NEB: variants seen among roughly 807,000 people sequenced by gnomAD.
NEB encodes nemaline myopathy type 2.
Under a neutral mutation model 952.2 loss-of-function variants are expected in NEB, and 512 were observed. The observed-to-expected ratio is 0.54, with a 90% confidence interval of 0.50 to 0.58. The LOEUF (loss-of-function observed/expected upper bound fraction) is 0.58, where lower values mean the gene tolerates loss of function less well. Ranked by LOEUF, NEB falls within the 20% of genes least tolerant of loss-of-function variation. The pLI is 0.00. For missense variants in NEB, 8,428 were observed against 9,231.1 expected (o/e 0.91, Z 3.56); for synonymous variants, 2,900 against 3,149.8 (o/e 0.92, Z 2.66).
At chr2:151,486,595 A>T (rs972956988) in intron 181 of NEB, 1 of 152,272 alleles carries the variant, frequency 6.6e-6, no homozygotes, top group Non-Finnish European at 1.5e-5. Flanking sequence ...AAGTGGAAAC[A>T]ACTTAAATGC....
At chr2:151,657,798 T>TGTG (rs377663194) in intron 48 of NEB, among the ~76,000 whole-genome samples, 185 bp downstream of exon 48, 9 of 152,162 alleles carry the variant, frequency 5.9e-5, no homozygotes, top group African/African-American at 2.2e-4. Flanking sequence ...AGGGTCACCA[T>TGTG]GTGGTTAGCT....
intron 32 of NEB, among the ~76,000 whole-genome samples, chr2:151,678,405 C>G (rs1255003586): frequency 6.6e-6 from 1 of 152,124 alleles, no homozygotes; most frequent in Admixed American, 6.5e-5. Flanking sequence ...GCTGTTTCTG[C>G]CTATCCAAGT....
rs376684415 is a variant in NEB at position 151,526,028 on chromosome 2, C to T, written c.22091G>A (p.Gly7364Asp). 2 of 1,613,854 alleles carry T rather than the reference C, an allele frequency of 1.2e-6. No homozygotes were observed. The highest frequency in any genetic ancestry group is 1.7e-6 in the Non-Finnish European group (2 of 1,179,880). Residue 7364 changes from glycine (G) to aspartate (D), a missense_variant, in exon 150 of 182, where the codon GGC (glycine) becomes GAC (aspartate). By Grantham distance (94) the Gly-to-Asp change is moderately conservative (BLOSUM62 -1). Transcript: ENST00000397345. The part of the protein sequence containing the change: ...KDHVKKHLAQ[G>D]SYTTLPETRD... ...GGTCTCTGGTAGTGTTGTGTATGAG[C>T]CCTGTGCCAAGTGCTTCTTGACATG...
intron 10 of NEB, chr2:151,716,003 T>C (rs555573061): frequency 5.3e-5 from 14 of 263,046 alleles, no homozygotes; most frequent in South Asian, 5.2e-4. Flanking sequence ...AAATAGACTT[T>C]AAATAAACAT....
Position 151,525,201 on chromosome 2 carries a change from C to T in NEB, c.22234G>A (p.Val7412Met), listed in dbSNP as rs1280889557. 3 of 1,613,984 alleles carry T rather than the reference C, an allele frequency of 1.9e-6. No individual in the cohort carries two copies. Among genetic ancestry groups the T allele is most frequent in the East Asian group, 2.2e-5 (1 of 44,894 alleles). ...NYSIMLEPPE[V>M]KHAMEVAKKQ... ...TTGGCCACTTCCATAGCATGTTTCA[C>T]CTCTGGTGGCTCCAGCATGATGGAG... Residue 7412 changes from valine to methionine, a missense_variant, in exon 151 of 182, where the codon GTG becomes ATG. Val to Met is a conservative substitution (Grantham distance 21). Transcript: ENST00000397345.
Position 151,552,917 on chromosome 2 carries a change from T to C in NEB, c.19732-141A>G. On this transcript the variant is annotated intron_variant, in intron 127 of 181. Coordinates refer to ENST00000397345, the MANE Select transcript of NEB (RefSeq NM_001164508.2). Reference sequence around the variant, plus strand: ...CTCAACAGACCGAGATGCATTTGAATTTTATAACAGTGTAACCAACACTTA... The same window carrying C: ...CTCAACAGACCGAGATGCATTTGAACTTTATAACAGTGTAACCAACACTTA... 6.5e-6 allele frequency: 4 copies of C among 619,870 alleles called. No homozygotes were observed. In the South Asian group the frequency reaches 8.0e-5, roughly 12 times the overall value. The allele number at this position is 619,870 out of a possible 1,614,324, so 38.4% of individuals were successfully genotyped here. A position where few individuals can be genotyped will look rare whatever the true frequency, so the allele number is the denominator to read the frequency against.
rs751475228 is a variant in NEB at position 151,694,639 on chromosome 2, A to G, written c.1675-10T>C. ...CTTGCTTATAAAGATTCTGGACAAA[A>G]AAATTCAGCAAAGGAATTGGCAAAA... is the stretch of plus-strand genomic sequence containing the variant. On this transcript the variant is annotated splice_polypyrimidine_tract_variant and intron_variant, in intron 18 of 181. Transcript: ENST00000397345. The G allele has an allele frequency of 2.4e-5, 37 of 1,564,312 alleles. No homozygotes were observed. The highest frequency in any genetic ancestry group is 3.1e-5 in the Non-Finnish European group (36 of 1,153,118).
rs375143141 is a variant in NEB, at chr2:151,570,122, C to T, written c.17389G>A (p.Asp5797Asn). ...TAGGCCTTCTTGGCCTGAATCACAT[C>T]GTTCTGGTCGGGCATGCAGGTCCAC... ...HQWTCMPDQN[D>N]VIQAKKAYEL... is the part of the protein sequence containing the mutation. The change falls in exon 109 of 182, where the codon GAT becomes AAT. Residue 5797 changes from aspartate to asparagine, a missense_variant. By Grantham distance (23) the Asp-to-Asn change is conservative. Coordinates refer to ENST00000397345, the MANE Select transcript of NEB (RefSeq NM_001164508.2). The T allele has an allele frequency of 5.4e-5, 87 of 1,612,490 alleles. No individual in the cohort carries two copies. Among genetic ancestry groups the T allele is most frequent in the Non-Finnish European group, 7.1e-5 (84 of 1,179,368 alleles).
chr2:151,683,294 A>G (rs988389228), intron 28 of NEB, among the ~76,000 whole-genome samples: 1 of 152,188 alleles, frequency 6.6e-6, no homozygotes, highest in East Asian at 1.9e-4. Context: ...CTAACAAAAC[A>G]CTTTAAAACA....
At chr2:151,560,730 T>C (rs1163831127) in intron 123 of NEB, 31 bp from the exon 124 acceptor site, 1 of 1,524,174 alleles carries the variant, frequency 6.6e-7, no homozygotes, top group Admixed American at 1.8e-5. Flanking sequence ...CTTGTGAATA[T>C]GGGAAAATGC....
At chr2:151,488,313 AT>A (rs1316289430) in intron 181 of NEB, among the ~76,000 whole-genome samples, 2 of 152,014 alleles carry the variant, frequency 1.3e-5, no homozygotes, top group African/African-American at 4.8e-5. Context: ...ATACTTCTAG[AT>A]TTTGGAATTT....
At chr2:151,541,341 C>T (rs1462867125) in intron 136 of NEB, 106 bp downstream of exon 136, 1 of 755,114 alleles carries the variant, frequency 1.3e-6, no homozygotes. Flanking sequence ...GAGGTTGCAG[C>T]CAGGACAACC....
chr2:151,578,747 GA>G (rs1314419477), intron 105 of NEB, among the ~76,000 whole-genome samples: 1 of 146,750 alleles, frequency 6.8e-6, no homozygotes, highest in African/African-American at 2.5e-5. Context: ...AGGAAGGAGA[GA>G]AGGAAGGAAC....
chr2:151,526,930 T>C lies in NEB; in HGVS notation c.21933A>G (p.Leu7311=), dbSNP rs2153458591. ...KNTVLALRNT[L]IESDLKYKEK... Reference sequence around the variant, plus strand: ...ACTAGGTACTTACATCACTTTCTATTAAAGTATTCCTGAGGGCGAGCACCG... The same window carrying C: ...ACTAGGTACTTACATCACTTTCTATCAAAGTATTCCTGAGGGCGAGCACCG... Residue 7311 remains leucine, a synonymous_variant, in exon 148 of 182, where the codon TTA becomes TTG. Coordinates refer to ENST00000397345, the MANE Select transcript of NEB (RefSeq NM_001164508.2). 1 of 1,592,278 alleles carries C rather than the reference T, an allele frequency of 6.3e-7. No homozygotes were observed. The highest frequency in any genetic ancestry group is 8.6e-7 in the Non-Finnish European group (1 of 1,167,054).
At chr2:151,507,751 C>T (rs1208859773) in intron 162 of NEB, 2 of 419,726 alleles carry the variant, frequency 4.8e-6, no homozygotes, top group Non-Finnish European at 8.6e-6. Flanking sequence ...TGAACCTTGC[C>T]ATGGGTGAGG....
intron 62 of NEB, 93 bp from the exon 63 acceptor site, chr2:151,639,477 A>T: frequency 1.1e-6 from 1 of 938,358 alleles, no homozygotes; most frequent in Non-Finnish European, 1.5e-6. Flanking sequence ...AAAAAAAAAG[A>T]AAAGGTTATG....
rs2098403306 is a variant in NEB, at chr2:151,620,911, G to C, written c.10560+8C>G. ...GGTAAGAAATGTTAGGACTTGATCA[G>C]CTCTTACATCACTGGCAATATCCCG... On this transcript the variant is annotated splice_region_variant and intron_variant, in intron 72 of 181. Coordinates refer to ENST00000397345, the MANE Select transcript of NEB (RefSeq NM_001164508.2). 6.3e-7 allele frequency: 1 copy of C among 1,597,806 alleles called. No homozygotes were observed. Among genetic ancestry groups the C allele is most frequent in the Non-Finnish European group, 8.6e-7 (1 of 1,168,462 alleles).
In NEB at chr2:151,639,260, G is replaced by C; in HGVS notation, c.8994+20C>G. On this transcript the variant is annotated intron_variant, in intron 63 of 181. Coordinates refer to ENST00000397345, the MANE Select transcript of NEB (RefSeq NM_001164508.2). Reference sequence around the variant, plus strand: ...CTGAAATAAGCAGCAGTGTGCAAATGTCAAAGAATCTGCTCTCACCTCACT... The same window carrying C: ...CTGAAATAAGCAGCAGTGTGCAAATCTCAAAGAATCTGCTCTCACCTCACT... The C allele has an allele frequency of 6.7e-7, 1 of 1,503,492 alleles. No individual in the cohort carries two copies. The highest frequency in any genetic ancestry group is 9.0e-7 in the Non-Finnish European group (1 of 1,114,946). The allele number at this position is 1,503,492 out of a possible 1,614,324, so 93.1% of individuals were successfully genotyped here.
rs1335449843 is a variant in NEB, at chr2:151,527,140, TGAG to T, written c.21841-121_21841-119del. On this transcript the variant is annotated intron_variant, in intron 147 of 181. Transcript: ENST00000397345. Reference sequence around the variant, plus strand: ...AGAGGACAAAGACTTGCTACCAGAATGAGGAGAAGAGCTTCTTGGTCCCTCACT... The same window carrying T: ...AGAGGACAAAGACTTGCTACCAGAATGAGAAGAGCTTCTTGGTCCCTCACT... 8 of 684,596 alleles carry T rather than the reference TGAG, an allele frequency of 1.2e-5. No individual in the cohort carries two copies. The East Asian group carries it at 1.6e-4, about 14-fold the overall frequency. 42.4% of individuals were successfully genotyped at this position (684,596 alleles called of 1,614,324 possible).
Sources: allele counts gnomAD v4.1 joint callset (sites outside exome capture counted in the v4.1 genomes callset), GRCh38; gene constraint gnomAD v4.1.1; transcripts MANE v1.5; gene names NCBI Gene and HGNC (gene_info 2026-07-23, HGNC 2026-07-21).